KANK1: variants seen among roughly 807,000 people sequenced by gnomAD.
The protein encoded by KANK1 is KN motif and ankyrin repeat domains 1, also known as KN motif and ankyrin repeat domain-containing protein 1.
A neutral mutation model predicts 106.2 loss-of-function variants in KANK1; 109 were observed. The ratio of observed to expected loss-of-function variants is 1.03; its 90% confidence interval spans 0.88 to 1.20. KANK1 has a LOEUF of 1.20. KANK1 is among the 50% of genes most tolerant of loss of function. KANK1 has a pLI of 0.00. For synonymous variants in KANK1, 873 were observed against 652.2 expected (o/e 1.34, Z -5.16); for missense variants, 2,399 against 1,710.7 (o/e 1.40, Z -7.10).
At chr9:574,640 A>C (rs1820070064) in intron 1 of KANK1, among the ~76,000 whole-genome samples, 1 of 151,738 alleles carries the variant, frequency 6.6e-6, no homozygotes, top group Non-Finnish European at 1.5e-5. Flanking sequence ...GTGGATCCTG[A>C]GGTGAGGAGT....
intron 1 of KANK1, among the ~76,000 whole-genome samples, chr9:637,044 C>CAGTTATGT (rs1352179338): frequency 6.6e-6 from 1 of 152,082 alleles, no homozygotes; most frequent in African/African-American, 2.4e-5. Context: ...TGATTTCATC[C>CAGTTATGT]AGTTATGTGC....
chr9:511,666 C>T (rs566398520), intron 1 of KANK1, among the ~76,000 whole-genome samples: 5 of 152,090 alleles, frequency 3.3e-5, no homozygotes, highest in Non-Finnish European at 5.9e-5. Context: ...TTTTGAATTT[C>T]TGAATTATAG....
chr9:729,118 C>G (rs553771028), intron 3 of KANK1, among the ~76,000 whole-genome samples: 5 of 152,298 alleles, frequency 3.3e-5, no homozygotes, highest in African/African-American at 1.2e-4. Context: ...ACATTAATTA[C>G]AAAATATTAT....
chr9:742,841 A>G (rs990237390), intron 10 of KANK1, among the ~76,000 whole-genome samples: 21 of 152,304 alleles, frequency 1.4e-4, no homozygotes, highest in African/African-American at 4.8e-4. Flanking sequence ...TTTCCACCCA[A>G]AGTGAACACA....
intron 5 of KANK1, chr9:732,149 A>T (rs1316710255): frequency 1.5e-5 from 6 of 406,668 alleles, no homozygotes; most frequent in African/African-American, 1.2e-4. Flanking sequence ...TTCTTTAACA[A>T]GTGTTACATG....
At chr9:591,941 G>T (rs1402677672) in intron 1 of KANK1, among the ~76,000 whole-genome samples, 1 of 151,758 alleles carries the variant, frequency 6.6e-6, no homozygotes, top group African/African-American at 2.4e-5. Flanking sequence ...TTACAGGAGT[G>T]AGCCACTGTG....
upstream of KANK1, among the ~76,000 whole-genome samples, chr9:501,591 G>A (rs959091994): frequency 6.8e-6 from 1 of 147,374 alleles, no homozygotes; most frequent in Admixed American, 6.8e-5. Context: ...CCCAGATACA[G>A]GTATTCGCCC....
chr9:503,809 C>A (rs947312080), upstream of KANK1, among the ~76,000 whole-genome samples: 1 of 152,226 alleles, frequency 6.6e-6, no homozygotes, highest in Non-Finnish European at 1.5e-5. Flanking sequence ...ACTAATTTCT[C>A]ATGGACCTAC....
Position 577,920 on chromosome 9 carries a change from A to G in KANK1, c.-84+73166A>G, listed in dbSNP as rs560563014. ...GAATAGGAGCACCCTGAAGCTCACAATGGCATCCTGCAAAGCCCCAAAGAG... is the reference window on the plus strand; with the variant it reads ...GAATAGGAGCACCCTGAAGCTCACAGTGGCATCCTGCAAAGCCCCAAAGAG... On this transcript the variant is annotated intron_variant, in intron 1 of 11. Transcript: ENST00000382297. Among the ~76,000 whole-genome samples the G allele has an allele frequency of 7.9e-4, 120 of 152,294 alleles. 3 individuals are homozygous for G. The South Asian group carries it at 0.022, about 28-fold the overall frequency.
At chr9:678,652 G>C (rs1431354976) in intron 2 of KANK1, among the ~76,000 whole-genome samples, 1 of 152,130 alleles carries the variant, frequency 6.6e-6, no homozygotes, top group Non-Finnish European at 1.5e-5. Context: ...CTGGAACCTG[G>C]GAGGCAGAGG....
chr9:574,770 G>A (rs774067388), intron 1 of KANK1, among the ~76,000 whole-genome samples: 66 of 150,384 alleles, frequency 4.4e-4, no homozygotes, highest in South Asian at 8.4e-4. Flanking sequence ...CAGGAGAATC[G>A]CTGACCCTGC....
At chr9:590,866 A>T (rs1588077104) in intron 1 of KANK1, among the ~76,000 whole-genome samples, 1 of 151,860 alleles carries the variant, frequency 6.6e-6, no homozygotes, top group East Asian at 1.9e-4. Flanking sequence ...GCTGCTCTGA[A>T]TTATTTTCTT....
chr9:647,282 A>G (rs1839886616), intron 1 of KANK1, among the ~76,000 whole-genome samples: 1 of 151,084 alleles, frequency 6.6e-6, no homozygotes, highest in South Asian at 2.1e-4. Context: ...TCTAATTATG[A>G]CTAGACAACT....
chr9:507,940 T>G (rs1418896681), intron 1 of KANK1, among the ~76,000 whole-genome samples: 1 of 151,608 alleles, frequency 6.6e-6, no homozygotes, highest in Admixed American at 6.6e-5. Flanking sequence ...CACCTCAGCC[T>G]CCCAAAGTGC....
chr9:547,775 C>T (rs1054074082), intron 1 of KANK1, among the ~76,000 whole-genome samples: 1 of 152,160 alleles, frequency 6.6e-6, no homozygotes, highest in Non-Finnish European at 1.5e-5. Flanking sequence ...TGGCACTCCA[C>T]AAAATAGTAA....
At chr9:522,923 A>G (rs1048663551) in intron 1 of KANK1, among the ~76,000 whole-genome samples, 6 of 151,832 alleles carry the variant, frequency 4.0e-5, no homozygotes, top group Admixed American at 3.3e-4. Flanking sequence ...GTGGTTTCCC[A>G]TGAAAATGCC....
intron 2 of KANK1, among the ~76,000 whole-genome samples, chr9:682,005 C>G (rs1044805987): frequency 3.7e-4 from 56 of 152,156 alleles, no homozygotes; most frequent in African/African-American, 1.3e-3. Flanking sequence ...TTAGGCTGGG[C>G]ACGGTGGCTT....
intron 3 of KANK1, among the ~76,000 whole-genome samples, chr9:485,218 T>A (rs1427097395): frequency 6.6e-6 from 1 of 152,200 alleles, no homozygotes; most frequent in African/African-American, 2.4e-5. Flanking sequence ...CACATTCCTC[T>A]GATCCAGTGA....
intron 2 of KANK1, among the ~76,000 whole-genome samples, chr9:699,176 C>T (rs987224824): frequency 2.0e-5 from 3 of 152,196 alleles, no homozygotes; most frequent in African/African-American, 7.2e-5. Flanking sequence ...GGCAGGGTCC[C>T]TGCTGTGTTC....
Sources: allele counts gnomAD v4.1 joint callset (sites outside exome capture counted in the v4.1 genomes callset), GRCh38; gene constraint gnomAD v4.1.1; transcripts MANE v1.5; gene names NCBI Gene and HGNC (gene_info 2026-07-23, HGNC 2026-07-21).